SORCS3: variants seen among roughly 807,000 people sequenced by gnomAD.
SORCS3 encodes VPS10 domain-containing receptor SorCS3.
SORCS3 carries 57 observed loss-of-function variants against 146.3 expected under a neutral mutation model. The observed-to-expected ratio is 0.39, with a 90% CI of 0.31 to 0.49. The LOEUF (loss-of-function observed/expected upper bound fraction) is 0.49. Among genes scored for constraint, SORCS3 ranks in the 20% least tolerant of loss-of-function variants. The pLI is 0.92. For missense variants in SORCS3, 1,341 were observed against 1,575.5 expected (o/e 0.85, Z 2.52); for synonymous variants, 653 against 618.5 (o/e 1.06, Z -0.83).
chr10:105,011,101 G>A (rs1246435236), intron 4 of SORCS3, among the ~76,000 whole-genome samples: 1 of 152,174 alleles, frequency 6.6e-6, no homozygotes, highest in Non-Finnish European at 1.5e-5. Flanking sequence ...AAGCCGGACT[G>A]CTGTTGTTCT....
intron 2 of SORCS3, among the ~76,000 whole-genome samples, chr10:104,855,895 C>A (rs12260732): frequency 0.18 from 27,590 of 152,040 alleles, 5,674 homozygotes; most frequent in African/African-American, 0.51. Flanking sequence ...GCCACCATAC[C>A]TGGCTGATTT....
chr10:104,754,561 A>AT (rs1184906417), intron 1 of SORCS3, among the ~76,000 whole-genome samples: 1 of 150,530 alleles, frequency 6.6e-6, no homozygotes, highest in Non-Finnish European at 1.5e-5. Flanking sequence ...TTTAGGTGCT[A>AT]TTAAGGGAGA....
chr10:104,960,484 A>G (rs929373325), intron 3 of SORCS3, among the ~76,000 whole-genome samples: 1 of 152,130 alleles, frequency 6.6e-6, no homozygotes, highest in Non-Finnish European at 1.5e-5. Flanking sequence ...CCCTAAGCAG[A>G]GTCCCAAGGT....
At chr10:104,695,779 C>T (rs924397077) in intron 1 of SORCS3, among the ~76,000 whole-genome samples, 9 of 151,220 alleles carry the variant, frequency 6.0e-5, no homozygotes, top group Non-Finnish European at 1.2e-4. Flanking sequence ...ATATATAGAT[C>T]GACTTCATCC....
At chr10:104,909,348 T>C (rs1184891645) in intron 2 of SORCS3, among the ~76,000 whole-genome samples, 1 of 151,970 alleles carries the variant, frequency 6.6e-6, no homozygotes, top group African/African-American at 2.4e-5. Context: ...GGTTGATAAA[T>C]ATATGCAAAG....
intron 22 of SORCS3, among the ~76,000 whole-genome samples, chr10:105,250,533 C>A (rs1292560459): frequency 6.6e-6 from 1 of 152,050 alleles, no homozygotes; most frequent in Non-Finnish European, 1.5e-5. Context: ...TCTGTAAGGG[C>A]CTTGGTGGAC....
chr10:104,936,020 G>A (rs1047051795), intron 3 of SORCS3, among the ~76,000 whole-genome samples: 15 of 152,138 alleles, frequency 9.9e-5, no homozygotes, highest in Non-Finnish European at 7.3e-5. Flanking sequence ...GAAACAGGGC[G>A]AAGGCTGGAT....
At chr10:104,921,711 C>T (rs763918695) in intron 3 of SORCS3, among the ~76,000 whole-genome samples, 30 of 152,080 alleles carry the variant, frequency 2.0e-4, no homozygotes, top group Middle Eastern at 6.8e-3. Context: ...AACTGAGGCT[C>T]AAGCAGATAG....
At position 104,641,507 on chromosome 10, in the gene SORCS3, G is replaced by A; in HGVS notation, c.180G>A (p.Ser60=). 6.8e-7 allele frequency: 1 copy of A among 1,473,984 alleles called. No homozygotes were observed. Among genetic ancestry groups the A allele is most frequent in the Non-Finnish European group, 8.9e-7 (1 of 1,121,072 alleles). The allele number at this position is 1,473,984 out of a possible 1,614,324, so 91.3% of individuals were successfully genotyped here. The change falls in exon 1 of 27, where the codon TCG becomes TCA. Residue 60 remains serine (S), a synonymous_variant. Transcript: ENST00000369701. This position sits in a 1 kb window ranked among gnomAD's most constrained non-coding sequence, Gnocchi z 6.4. The stretch of plus-strand genomic sequence containing the variant: ...GGCCACCGGCGTTGTCTCCACTCTC[G>A]CCGCGGGCAGTGGCCAGCCAGTGGC... ...ASRPPALSPL[S]PRAVASQWPE...
intron 3 of SORCS3, among the ~76,000 whole-genome samples, chr10:104,945,151 C>G (rs2019357077): frequency 6.6e-6 from 1 of 152,090 alleles, no homozygotes; most frequent in South Asian, 2.1e-4. Context: ...AAAAATAGAA[C>G]TAATCAATGT....
chr10:105,011,428 C>G (rs1212873783), intron 4 of SORCS3, among the ~76,000 whole-genome samples: 4 of 152,182 alleles, frequency 2.6e-5, no homozygotes, highest in Admixed American at 1.3e-4. Flanking sequence ...ATATGCATTT[C>G]TTTCGTGTAT....
At chr10:104,891,180 A>G (rs766292329) in intron 2 of SORCS3, among the ~76,000 whole-genome samples, 18 of 152,172 alleles carry the variant, frequency 1.2e-4, no homozygotes, top group Non-Finnish European at 4.4e-5. Flanking sequence ...CTGATTCCCC[A>G]TGACTTATGA....
chr10:104,967,861 A>G (rs1447311445), intron 3 of SORCS3, among the ~76,000 whole-genome samples: 1 of 151,598 alleles, frequency 6.6e-6, no homozygotes, highest in Non-Finnish European at 1.5e-5. Flanking sequence ...GGTTTCACCA[A>G]ATTGCCTAGG....
At position 105,089,850 on chromosome 10, in the gene SORCS3, C is replaced by G. The variant is rs1206487047; in HGVS notation, c.1093+11C>G. ...GGACCACGGATGGATGTGAGTTCTG[C>G]TACAGCCAGGCTAGGCCCAGGGAGA... On this transcript the variant is annotated intron_variant, in intron 6 of 26. Coordinates refer to ENST00000369701, the MANE Select transcript of SORCS3 (RefSeq NM_014978.3). 3.1e-6 allele frequency: 5 copies of G among 1,611,832 alleles called. No homozygotes were observed. Among genetic ancestry groups the G allele is most frequent in the Admixed American group, 1.7e-5 (1 of 60,008 alleles).
chr10:105,087,782 A>G (rs1238650247), intron 5 of SORCS3, among the ~76,000 whole-genome samples: 2 of 152,230 alleles, frequency 1.3e-5, no homozygotes, highest in Non-Finnish European at 2.9e-5. Flanking sequence ...AATTGCATAC[A>G]TGATTTGATT....
At chr10:104,895,930 T>A (rs2018793544) in intron 2 of SORCS3, among the ~76,000 whole-genome samples, 1 of 152,234 alleles carries the variant, frequency 6.6e-6, no homozygotes, top group Non-Finnish European at 1.5e-5. Context: ...ATTTTTGTTT[T>A]TCCCTCCAAT....
At chr10:104,928,287 G>A (rs1054710808) in intron 3 of SORCS3, among the ~76,000 whole-genome samples, 15 of 152,152 alleles carry the variant, frequency 9.9e-5, no homozygotes, top group Admixed American at 3.3e-4. Flanking sequence ...CTGATGAGAT[G>A]CCTGTGTTAA....
intron 7 of SORCS3, among the ~76,000 whole-genome samples, chr10:105,119,536 C>G (rs1286075526): frequency 3.3e-5 from 5 of 152,170 alleles, no homozygotes; most frequent in Non-Finnish European, 5.9e-5. Context: ...CACAGACACT[C>G]AATGCCTGCC....
At chr10:105,248,121 T>C (rs2056878118) in intron 22 of SORCS3, among the ~76,000 whole-genome samples, 1 of 152,200 alleles carries the variant, frequency 6.6e-6, no homozygotes, top group East Asian at 1.9e-4. Flanking sequence ...TTAGAGAAAG[T>C]AAAAGGGTTT....
Sources: allele counts gnomAD v4.1 joint callset (sites outside exome capture counted in the v4.1 genomes callset), GRCh38; gene constraint gnomAD v4.1.1; non-coding constraint Gnocchi (gnomAD v3.1); transcripts MANE v1.5; gene names NCBI Gene and HGNC (gene_info 2026-07-23, HGNC 2026-07-21).